Variants in ADCY4 observed in about 807,000 individuals in gnomAD.
ADCY4 encodes adenylate cyclase 4.
Under a neutral mutation model 125.5 loss-of-function variants are expected in ADCY4, and 111 were observed. That is an observed-to-expected ratio of 0.88 (90% CI 0.76 to 1.04). The LOEUF is 1.04. Among genes scored for constraint, ADCY4 ranks in the 50% least tolerant of loss-of-function variants. The probability of loss-of-function intolerance (pLI) is 0.00; values close to 1 mark genes in which losing one functional copy is unlikely to be tolerated. For synonymous variants in ADCY4, 576 were observed against 586.9 expected (o/e 0.98, Z 0.27); for missense variants, 1,256 against 1,382.9 (o/e 0.91, Z 1.46).
chr14:24,335,062 G>T lies in ADCY4; in HGVS notation c.-410C>A. 6.3e-6 allele frequency: 1 copy of T among 159,114 alleles called. No homozygotes were observed. 9.9% of individuals were successfully genotyped at this position (159,114 alleles called of 1,614,324 possible). A position where few individuals can be genotyped will look rare whatever the true frequency, so the allele number is the denominator to read the frequency against. The stretch of plus-strand genomic sequence containing the variant: ...ACCTGATGGCGGAGTCACGCTCGCC[G>T]CTGCGCTCTGGCTCAGAGTCCCGGG... On this transcript the variant is annotated 5_prime_UTR_variant, in exon 1 of 25. Coordinates refer to ENST00000418030, the MANE Select transcript of ADCY4 (RefSeq NM_001198568.2).
intron 10 of ADCY4, 76 bp downstream of exon 10, chr14:24,328,985 A>T: frequency 6.6e-7 from 1 of 1,520,980 alleles, no homozygotes; most frequent in South Asian, 1.2e-5. Context: ...GGGGCAGGGA[A>T]GGCTGCCAGT....
At position 24,329,456 on chromosome 14, in the gene ADCY4, C is replaced by T. The variant is rs146439456; in HGVS notation, c.1295G>A (p.Arg432Gln). The T allele has an allele frequency of 1.8e-5, 29 of 1,581,666 alleles. No individual in the cohort carries two copies. Among genetic ancestry groups the T allele is most frequent in the African/African-American group, 1.2e-4 (9 of 73,266 alleles). The change falls in exon 9 of 25, where the codon CGG (arginine) becomes CAG (glutamine). Residue 432 changes from arginine to glutamine, a missense_variant. Transcript: ENST00000418030. Reference protein sequence around the residue: ...YAVEDAGMEHRDPYLRELGEP... With the variant: ...YAVEDAGMEHQDPYLRELGEP... The stretch of plus-strand genomic sequence containing the variant: ...CCCTAGCTCCCGAAGGTAGGGGTCC[C>T]GATGCTCCATGCCTGCGTCCTCCAC...
chr14:24,329,301 A>G (rs981830015), intron 9 of ADCY4, 67 bp from the exon 10 acceptor site: 39 of 1,584,812 alleles, frequency 2.5e-5, no homozygotes, highest in Non-Finnish European at 3.3e-5. Context: ...ACCCCCCACT[A>G]GGACCCAGGA....
In ADCY4 at chr14:24,322,239, C is replaced by T; in HGVS notation, c.2428-15G>A. On this transcript the variant is annotated splice_polypyrimidine_tract_variant and intron_variant, in intron 19 of 24. Coordinates refer to ENST00000418030, the MANE Select transcript of ADCY4 (RefSeq NM_001198568.2). ...TAGTACTCATTCTGGGGAGGGTCAC[C>T]CGGGGCCATGGGGAGACACAGAGCA... The T allele has an allele frequency of 6.2e-7, 1 of 1,606,240 alleles. No homozygotes were observed. Among genetic ancestry groups the T allele is most frequent in the South Asian group, 1.1e-5 (1 of 90,264 alleles).
rs1194661500 is a variant in ADCY4, at chr14:24,334,714, C to T, written c.-62G>A. 7.4e-7 allele frequency: 1 copy of T among 1,344,722 alleles called. No individual in the cohort carries two copies. Among genetic ancestry groups the T allele is most frequent in the East Asian group, 2.7e-5 (1 of 37,062 alleles). The allele number at this position is 1,344,722 out of a possible 1,614,324, so 83.3% of individuals were successfully genotyped here. A position where few individuals can be genotyped will look rare whatever the true frequency, so the allele number is the denominator to read the frequency against. ...CCGGGCGCCGGGTTACCTCCTTCGG[C>T]CCGGCGGGCCCCACCTGAGCTTTTC... On this transcript the variant is annotated 5_prime_UTR_variant, in exon 1 of 25. Transcript: ENST00000418030.
chr14:24,332,337 C>G (rs1228913517), intron 3 of ADCY4, 185 bp downstream of exon 3: 1 of 643,700 alleles, frequency 1.6e-6, no homozygotes, highest in Non-Finnish European at 2.5e-6. Context: ...TGGCCTGGAT[C>G]CCTCTTCTGG....
chr14:24,330,425 G>T, intron 6 of ADCY4, 130 bp from the exon 7 acceptor site: 2 of 1,288,032 alleles, frequency 1.6e-6, no homozygotes, highest in Non-Finnish European at 2.2e-6. Flanking sequence ...GTCTAGATCA[G>T]ATCTAGGGAC....
Position 24,331,868 on chromosome 14 carries a change from G to A in ADCY4, c.589C>T (p.Arg197Cys), listed in dbSNP as rs367732731. ...TCCCGGAACGTGGCCCGCAGGGCGCGCTCCATCAGCGCCTTGTGGTACACT... is the reference window on the plus strand; with the variant it reads ...TCCCGGAACGTGGCCCGCAGGGCGCACTCCATCAGCGCCTTGTGGTACACT... ...AGVYHKALME[R>C]ALRATFREAL... Residue 197 changes from arginine (R) to cysteine (C), a missense_variant, in exon 4 of 25, where the codon CGC becomes TGC. Transcript: ENST00000418030. 4.4e-6 allele frequency: 7 copies of A among 1,602,304 alleles called. No individual in the cohort carries two copies. The highest frequency in any genetic ancestry group is 6.0e-6 in the Non-Finnish European group (7 of 1,171,524).
intron 12 of ADCY4, 27 bp downstream of exon 12, chr14:24,326,041 GGGCCTGCGGCC>G (rs779944098): frequency 6.4e-7 from 1 of 1,572,582 alleles, no homozygotes; most frequent in African/African-American, 1.4e-5. Flanking sequence ...TATGACCTCA[GGGCCTGCGGCC>G]CCCCCAGCCC....
At chr14:24,323,960 G>C in intron 16 of ADCY4, 102 bp downstream of exon 16, 1 of 1,465,402 alleles carries the variant, frequency 6.8e-7, no homozygotes, top group South Asian at 1.4e-5. Context: ...AGCATCCCCT[G>C]GGCTTAGTCC....
chr14:24,329,713 C>T, intron 8 of ADCY4, 147 bp downstream of exon 8: 1 of 1,411,424 alleles, frequency 7.1e-7, no homozygotes, highest in Admixed American at 2.5e-5. Flanking sequence ...GCTCCCCTCC[C>T]TGCACCCTAG....
intron 6 of ADCY4, 122 bp downstream of exon 6, chr14:24,330,896 C>G: frequency 2.5e-6 from 2 of 804,390 alleles, no homozygotes; most frequent in Non-Finnish European, 3.9e-6. Flanking sequence ...ACTGGAATAT[C>G]TGGGGGCCTG....
In ADCY4 at chr14:24,318,781, A is replaced by T; in HGVS notation, c.2957-3T>A. On this transcript the variant is annotated splice_region_variant and splice_polypyrimidine_tract_variant and intron_variant, in intron 23 of 24. Coordinates refer to ENST00000418030, the MANE Select transcript of ADCY4 (RefSeq NM_001198568.2). Reference sequence around the variant, plus strand: ...TACTACGGGTCCATGGTTCAACCCTAATGAGGGATGTGGTAATGACAGACT... The same window carrying T: ...TACTACGGGTCCATGGTTCAACCCTTATGAGGGATGTGGTAATGACAGACT... 6.2e-7 allele frequency: 1 copy of T among 1,613,932 alleles called. No homozygotes were observed. Among genetic ancestry groups the T allele is most frequent in the South Asian group, 1.1e-5 (1 of 91,076 alleles).
intron 20 of ADCY4, among the ~76,000 whole-genome samples, chr14:24,320,206 T>C (rs1409637964): frequency 2.0e-5 from 3 of 152,188 alleles, no homozygotes; most frequent in African/African-American, 4.8e-5. Flanking sequence ...CTGAAAGGTG[T>C]TTAAGTCAAT....
rs1383012094 is a variant in ADCY4, at chr14:24,329,382, G to A, written c.1350+19C>T. The A allele has an allele frequency of 6.5e-7, 1 of 1,547,650 alleles. No homozygotes were observed. The highest frequency in any genetic ancestry group is 2.0e-5 in the Admixed American group (1 of 49,738). ...TGGTTTGTGTAGGCCAGCCCATGGG[G>A]TCTGGGCTGGGCTTTTACCCGTGGA... On this transcript the variant is annotated intron_variant, in intron 9 of 24. Transcript: ENST00000418030.
At chr14:24,328,354 G>A (rs984520757) in intron 10 of ADCY4, among the ~76,000 whole-genome samples, 3 of 152,162 alleles carry the variant, frequency 2.0e-5, no homozygotes, top group Non-Finnish European at 4.4e-5. Flanking sequence ...CCGTCTCCCT[G>A]TGATGCTGTG....
chr14:24,330,163 C>A lies in ADCY4; in HGVS notation c.1058+5G>T, dbSNP rs1417363358. On this transcript the variant is annotated splice_donor_5th_base_variant and intron_variant, in intron 7 of 24. Transcript: ENST00000418030. ...GCATTCCTCTTGACCACCGCCTGAG[C>A]TGACCTGATGGCCCGGCACATGTCC... The A allele has an allele frequency of 1.2e-6, 2 of 1,613,218 alleles. No individual in the cohort carries two copies. The highest frequency in any genetic ancestry group is 2.7e-5 in the African/African-American group (2 of 74,924).
At chr14:24,327,044 G>C (rs888395976) in intron 10 of ADCY4, among the ~76,000 whole-genome samples, 1 of 151,828 alleles carries the variant, frequency 6.6e-6, no homozygotes, top group South Asian at 2.1e-4. Context: ...TTGCAGGCAC[G>C]CACCACCACG....
In ADCY4 at chr14:24,334,954, G is replaced by C; in HGVS notation, c.-302C>G. On this transcript the variant is annotated 5_prime_UTR_variant, in exon 1 of 25. Transcript: ENST00000418030. ...CAGGATTTGGGGTTGGTGCGAGGGA[G>C]CCCCGGGTTCCCCTGATCCCCGAAC... 1.0e-5 allele frequency: 3 copies of C among 291,998 alleles called. No homozygotes were observed. Among genetic ancestry groups the C allele is most frequent in the Non-Finnish European group, 1.9e-5 (3 of 157,088 alleles). 18.1% of individuals were successfully genotyped at this position (291,998 alleles called of 1,614,324 possible). A position where few individuals can be genotyped will look rare whatever the true frequency, so the allele number is the denominator to read the frequency against.
Sources: gnomAD v4.1 joint callset for allele counts (sites outside exome capture counted in the v4.1 genomes callset) on GRCh38, gnomAD v4.1.1 for gene constraint, MANE v1.5 for transcripts, NCBI Gene and HGNC (gene_info 2026-07-23, HGNC 2026-07-21) for gene names.